NEK10: variants seen among roughly 807,000 people sequenced by gnomAD.
NEK10 encodes serine/threonine-protein kinase Nek10.
Under a neutral mutation model 159.8 loss-of-function variants are expected in NEK10, and 122 were observed. The observed-to-expected ratio is 0.76, with a 90% CI of 0.66 to 0.89. The LOEUF (loss-of-function observed/expected upper bound fraction) is 0.89, where lower values mean the gene tolerates loss of function less well. NEK10 is among the 40% of genes least tolerant of loss of function. The pLI is 0.00. For synonymous variants in NEK10, 466 were observed against 457.1 expected (o/e 1.02, Z -0.25); for missense variants, 1,342 against 1,323.1 (o/e 1.01, Z -0.22).
At chr3:27,310,601 G>A (rs1358738045) in intron 9 of NEK10, 1 of 186,284 alleles carries the variant, frequency 5.4e-6, no homozygotes, top group African/African-American at 2.3e-5. Flanking sequence ...GTATACATAT[G>A]TACATTTTGT....
At chr3:27,158,642 G>T (rs753410391) in intron 30 of NEK10, among the ~76,000 whole-genome samples, 1 of 152,124 alleles carries the variant, frequency 6.6e-6, no homozygotes, top group Non-Finnish European at 1.5e-5. Flanking sequence ...CCCATACATC[G>T]GTTCAGCGCC....
intron 31 of NEK10, among the ~76,000 whole-genome samples, chr3:27,140,743 G>A (rs1191541322): frequency 1.3e-5 from 2 of 152,130 alleles, no homozygotes; most frequent in Non-Finnish European, 2.9e-5. Context: ...TTTGCTCGTG[G>A]ATGTATCCCA....
intron 23 of NEK10, among the ~76,000 whole-genome samples, chr3:27,209,512 G>T (rs1297451804): frequency 6.6e-6 from 1 of 152,170 alleles, no homozygotes; most frequent in Admixed American, 6.5e-5. Flanking sequence ...TGATTTAAAA[G>T]CTCTTTAAAA....
chr3:27,212,475 G>C (rs1951092274), intron 23 of NEK10, among the ~76,000 whole-genome samples: 2 of 152,152 alleles, frequency 1.3e-5, no homozygotes, highest in South Asian at 4.1e-4. Context: ...AATGGCCATG[G>C]CCTTCGACAG....
chr3:27,293,049 C>G (rs981944622), intron 16 of NEK10, among the ~76,000 whole-genome samples: 2 of 152,132 alleles, frequency 1.3e-5, no homozygotes, highest in African/African-American at 4.8e-5. Context: ...CTGAGGGAAC[C>G]AGTGTTTGCT....
In NEK10 at chr3:27,107,212, C is replaced by A. The variant is rs1228987195; in HGVS notation, c.*4060G>T. ...TTTAAAAACAACTATTGCCCATGAA[C>A]TCAGAAAATATGTAAATTGGCAATA... On this transcript the variant is annotated 3_prime_UTR_variant, in exon 36 of 36. Coordinates refer to ENST00000691995, the MANE Select transcript of NEK10 (RefSeq NM_001394966.1). Among the ~76,000 whole-genome samples, 1 of 151,996 alleles carries A rather than the reference C, an allele frequency of 6.6e-6. No individual in the cohort carries two copies. Among genetic ancestry groups the A allele is most frequent in the South Asian group, 2.1e-4 (1 of 4,808 alleles).
At chr3:27,208,205 GA>G (rs1950687952) in intron 23 of NEK10, among the ~76,000 whole-genome samples, 1 of 151,862 alleles carries the variant, frequency 6.6e-6, no homozygotes, top group Non-Finnish European at 1.5e-5. Flanking sequence ...CGGAAACTTG[GA>G]AAAACCATGG....
intron 5 of NEK10, among the ~76,000 whole-genome samples, chr3:27,331,884 T>C (rs1434392604): frequency 6.6e-6 from 1 of 152,210 alleles, no homozygotes. Flanking sequence ...GTAGCAGATA[T>C]CTCAGGAAAC....
chr3:27,212,745 G>T (rs1196317669), intron 23 of NEK10, among the ~76,000 whole-genome samples: 1 of 152,246 alleles, frequency 6.6e-6, no homozygotes, highest in Non-Finnish European at 1.5e-5. Flanking sequence ...CCCAGGGCTT[G>T]AGTATGTTTG....
chr3:27,187,655 G>A (rs1054295418), intron 26 of NEK10, among the ~76,000 whole-genome samples: 2 of 151,830 alleles, frequency 1.3e-5, no homozygotes, highest in Admixed American at 6.6e-5. Flanking sequence ...TTAAAAAGCG[G>A]GTATGTACAA....
At chr3:27,177,902 A>G (rs1421978061) in intron 26 of NEK10, among the ~76,000 whole-genome samples, 1 of 152,198 alleles carries the variant, frequency 6.6e-6, no homozygotes, top group Non-Finnish European at 1.5e-5. Context: ...AAGTTTTTGG[A>G]GACAGAATTT....
chr3:27,200,551 G>T (rs559866867), intron 25 of NEK10, among the ~76,000 whole-genome samples: 2 of 152,240 alleles, frequency 1.3e-5, no homozygotes, highest in East Asian at 3.9e-4. Flanking sequence ...TTTATTAAGG[G>T]TCTACTCTGT....
At chr3:27,291,938 G>T (rs538252271) in intron 16 of NEK10, among the ~76,000 whole-genome samples, 1 of 151,908 alleles carries the variant, frequency 6.6e-6, no homozygotes, top group African/African-American at 2.4e-5. Flanking sequence ...CACCGCACCC[G>T]GCCCATTACT....
intron 23 of NEK10, among the ~76,000 whole-genome samples, chr3:27,227,854 G>A (rs1263288852): frequency 6.6e-6 from 1 of 152,218 alleles, no homozygotes; most frequent in Non-Finnish European, 1.5e-5. Flanking sequence ...TTTGCCTATA[G>A]CCCTTGGCCA....
intron 26 of NEK10, among the ~76,000 whole-genome samples, chr3:27,186,324 C>G (rs1285982175): frequency 1.3e-5 from 2 of 152,086 alleles, no homozygotes; most frequent in Non-Finnish European, 2.9e-5. Flanking sequence ...TTTATAGACC[C>G]AGGAGAAGAC....
chr3:27,316,456 G>C (rs572198349), intron 6 of NEK10, among the ~76,000 whole-genome samples: 1 of 151,996 alleles, frequency 6.6e-6, no homozygotes, highest in South Asian at 2.1e-4. Context: ...TAGAGCAGAG[G>C]ACTCTATTTT....
intron 22 of NEK10, among the ~76,000 whole-genome samples, chr3:27,262,191 A>C (rs1440772638): frequency 2.6e-5 from 4 of 152,176 alleles, no homozygotes; most frequent in Admixed American, 2.6e-4. Context: ...GAGTTTCTGC[A>C]GAGAGATCAG....
intron 5 of NEK10, among the ~76,000 whole-genome samples, chr3:27,331,575 C>T (rs9864765): frequency 6.6e-6 from 1 of 151,928 alleles, no homozygotes; most frequent in Non-Finnish European, 1.5e-5. Context: ...CCTCCCTCTG[C>T]GATGGAGTCT....
intron 25 of NEK10, among the ~76,000 whole-genome samples, chr3:27,192,596 GAAA>G (rs35385101): frequency 1.3e-3 from 169 of 134,826 alleles, no homozygotes; most frequent in Middle Eastern, 0.011. Context: ...CTGGCAGGTG[GAAA>G]AAAAAAAAAA....
Sources: allele counts gnomAD v4.1 joint callset (sites outside exome capture counted in the v4.1 genomes callset), GRCh38; gene constraint gnomAD v4.1.1; transcripts MANE v1.5; gene names NCBI Gene and HGNC (gene_info 2026-07-23, HGNC 2026-07-21).